Variants in PALMD observed in about 807,000 individuals in gnomAD.
PALMD encodes palmdelphin.
A neutral mutation model predicts 56.2 loss-of-function variants in PALMD; 42 were observed. That is an observed-to-expected ratio of 0.75 (90% confidence interval 0.58 to 0.97). The LOEUF (loss-of-function observed/expected upper bound fraction) is 0.97. Among genes scored for constraint, PALMD ranks in the 50% least tolerant of loss-of-function variants. PALMD has a pLI of 0.00. For missense variants in PALMD, 660 were observed against 643.8 expected (o/e 1.03, Z -0.27); for synonymous variants, 242 against 222.9 (o/e 1.09, Z -0.76).
rs1652465710 is a variant in PALMD at position 99,647,449 on chromosome 1, T to TA, written c.45+1087_45+1088insA. 1.3e-5 allele frequency among the ~76,000 whole-genome samples: 2 copies of TA among 152,248 alleles called. 1 individual carries two copies. Among genetic ancestry groups the TA allele is most frequent in the South Asian group, 4.1e-4 (2 of 4,836 alleles). On this transcript the variant is annotated intron_variant, in intron 1 of 7. Transcript: ENST00000263174. ...AAACATTCAGTAAATTGAAATGTCT[T>TA]CTTAGCCAATAGTAAGACACCAGAA...
At chr1:99,651,757 C>T (rs940761251) in intron 1 of PALMD, among the ~76,000 whole-genome samples, 2 of 152,180 alleles carry the variant, frequency 1.3e-5, no homozygotes, top group Admixed American at 6.5e-5. Context: ...GAGATCTATA[C>T]TTAAAGTTTT....
At chr1:99,678,058 G>A (rs1037592014) in intron 3 of PALMD, among the ~76,000 whole-genome samples, 2 of 151,722 alleles carry the variant, frequency 1.3e-5, no homozygotes, top group African/African-American at 4.8e-5. Context: ...GTTGTCACAG[G>A]TGGTCCTCCT....
intron 3 of PALMD, among the ~76,000 whole-genome samples, chr1:99,683,076 GAGAGAGAGAGAGAGAAAGAA>G (rs1653395639): frequency 5.8e-5 from 1 of 17,098 alleles, no homozygotes; most frequent in Non-Finnish European, 9.5e-5. Flanking sequence ...GAGAGAGAGA[GAGAGAGAGAGAGAGAAAGAA>G]AGAAAGAAAG....
At chr1:99,666,226 G>C (rs1296170457) in intron 2 of PALMD, among the ~76,000 whole-genome samples, 4 of 151,260 alleles carry the variant, frequency 2.6e-5, no homozygotes, top group African/African-American at 9.7e-5. Flanking sequence ...AATGTTGTAA[G>C]TTATAATGTT....
chr1:99,649,469 C>T (rs749691650), intron 1 of PALMD, among the ~76,000 whole-genome samples: 9 of 152,214 alleles, frequency 5.9e-5, no homozygotes, highest in Non-Finnish European at 1.5e-5. Flanking sequence ...CCAGCATTCT[C>T]GAGAAGAGTG....
intron 3 of PALMD, among the ~76,000 whole-genome samples, chr1:99,679,205 T>C (rs1181155986): frequency 6.6e-6 from 1 of 152,158 alleles, no homozygotes; most frequent in Non-Finnish European, 1.5e-5. Flanking sequence ...AAAGTATAGA[T>C]AAGAGCCAGT....
At chr1:99,654,179 T>G (rs1286451040) in intron 1 of PALMD, among the ~76,000 whole-genome samples, 2 of 152,174 alleles carry the variant, frequency 1.3e-5, no homozygotes, top group Admixed American at 1.3e-4. Context: ...CTCTCTAGTT[T>G]TCATCTTCAG....
intron 3 of PALMD, among the ~76,000 whole-genome samples, chr1:99,671,171 C>T (rs1291701164): frequency 6.6e-6 from 1 of 152,170 alleles, no homozygotes; most frequent in East Asian, 1.9e-4. Flanking sequence ...CTGCCAGGCC[C>T]CCTCAGCTAG....
intron 7 of PALMD, among the ~76,000 whole-genome samples, chr1:99,693,805 A>G (rs949594701): frequency 6.6e-6 from 1 of 152,212 alleles, no homozygotes; most frequent in African/African-American, 2.4e-5. Flanking sequence ...TCTTTATAGA[A>G]ATAGGTTCCT....
chr1:99,659,756 T>C (rs1157841136), intron 1 of PALMD, among the ~76,000 whole-genome samples: 1 of 152,232 alleles, frequency 6.6e-6, no homozygotes, highest in Non-Finnish European at 1.5e-5. Flanking sequence ...GAATATCTTA[T>C]GAGGAAAAAG....
At chr1:99,672,672 CCAGA>C (rs1001621446) in intron 3 of PALMD, among the ~76,000 whole-genome samples, 1 of 152,148 alleles carries the variant, frequency 6.6e-6, no homozygotes, top group African/African-American at 2.4e-5. Context: ...AAGCTCCCGG[CCAGA>C]CACTCTACTT....
Position 99,663,150 on chromosome 1 carries a change from G to A in PALMD, c.126+751G>A, listed in dbSNP as rs138068517. ...TGATACAAAGCTGCACACTCAAGGG[G>A]TCTACAAATTTAAGTTAAACTTGCT... On this transcript the variant is annotated intron_variant, in intron 2 of 7. Coordinates refer to ENST00000263174, the MANE Select transcript of PALMD (RefSeq NM_017734.5). 2.0e-5 allele frequency among the ~76,000 whole-genome samples: 3 copies of A among 152,216 alleles called. No homozygotes were observed. In the East Asian group the frequency reaches 5.8e-4, roughly 29 times the overall value.
At chr1:99,655,526 C>G (rs571360979) in intron 1 of PALMD, among the ~76,000 whole-genome samples, 121 of 152,162 alleles carry the variant, frequency 8.0e-4, no homozygotes, top group African/African-American at 2.8e-3. Context: ...GTAATTTCAC[C>G]AGTCTTTAAA....
chr1:99,650,941 G>C (rs1652569463), intron 1 of PALMD, among the ~76,000 whole-genome samples: 1 of 152,172 alleles, frequency 6.6e-6, no homozygotes, highest in Non-Finnish European at 1.5e-5. Flanking sequence ...ATTATTTAGA[G>C]CTCTAAGGAA....
At chr1:99,690,039 T>A in intron 7 of PALMD, 167 bp downstream of exon 7, 1 of 554,426 alleles carries the variant, frequency 1.8e-6, no homozygotes, top group African/African-American at 1.9e-5. Flanking sequence ...GTAAAGTGAT[T>A]AAGTCACTTC....
At position 99,646,253 on chromosome 1, in the gene PALMD, G is replaced by A; in HGVS notation, c.-65G>A. ...CTGTCACCCCCGCTCCTCTCCCCCA[G>A]GAGGCTCCTTGATTTATGGTAGCTT... On this transcript the variant is annotated 5_prime_UTR_variant, in exon 1 of 8. Transcript: ENST00000263174. 7.6e-7 allele frequency: 1 copy of A among 1,310,694 alleles called. No homozygotes were observed. Among genetic ancestry groups the A allele is most frequent in the South Asian group, 1.2e-5 (1 of 85,044 alleles). 81.2% of individuals were successfully genotyped at this position (1,310,694 alleles called of 1,614,324 possible). A position where few individuals can be genotyped will look rare whatever the true frequency, so the allele number is the denominator to read the frequency against.
In PALMD at chr1:99,686,977, T is replaced by C. The variant is rs988152373; in HGVS notation, c.400+14T>C. The stretch of plus-strand genomic sequence containing the variant: ...AAAGAGCAGAAGGTATGTTTTTGAA[T>C]AACTTATTTTATGTTAAACTAAGTT... On this transcript the variant is annotated intron_variant, in intron 5 of 7. Transcript: ENST00000263174. 6.4e-7 allele frequency: 1 copy of C among 1,564,532 alleles called. No homozygotes were observed. Among genetic ancestry groups the C allele is most frequent in the Admixed American group, 1.7e-5 (1 of 58,032 alleles).
At chr1:99,678,344 A>G (rs921843999) in intron 3 of PALMD, among the ~76,000 whole-genome samples, 1 of 152,026 alleles carries the variant, frequency 6.6e-6, no homozygotes, top group Non-Finnish European at 1.5e-5. Flanking sequence ...ATCTCAAGTT[A>G]TCCACTCGCC....
intron 7 of PALMD, 104 bp from the exon 8 acceptor site, chr1:99,693,915 C>G (rs1256374619): frequency 6.8e-6 from 5 of 734,898 alleles, no homozygotes; most frequent in Non-Finnish European, 9.5e-6. Flanking sequence ...TGGATAAAAC[C>G]ATCTGAGGTA....
Sources: gnomAD v4.1 joint callset for allele counts (sites outside exome capture counted in the v4.1 genomes callset) on GRCh38, gnomAD v4.1.1 for gene constraint, MANE v1.5 for transcripts, NCBI Gene and HGNC (gene_info 2026-07-23, HGNC 2026-07-21) for gene names.